FMNL2: variants seen among roughly 807,000 people sequenced by gnomAD.
The protein encoded by FMNL2 is formin like 2.
In FMNL2, 51 loss-of-function variants were observed where a neutral mutation model predicts 130.2. That is an observed-to-expected ratio of 0.39 (90% confidence interval 0.31 to 0.49). The LOEUF (loss-of-function observed/expected upper bound fraction) is 0.49, where lower values mean the gene tolerates loss of function less well. Ranked by LOEUF, FMNL2 falls within the 20% of genes least tolerant of loss-of-function variation. FMNL2 has a pLI of 0.85. For synonymous variants in FMNL2, 465 were observed against 467.1 expected, an observed-to-expected ratio of 1.00 and a Z score of 0.06; for missense variants, 977 against 1,316.2, an observed-to-expected ratio of 0.74 and a Z score of 3.99.
At position 152,564,036 on chromosome 2, in the gene FMNL2, G is replaced by A. The variant is rs932200759; in HGVS notation, c.596+3001G>A. On this transcript the variant is annotated intron_variant, in intron 6 of 25. Transcript: ENST00000288670. ...TATGATAACCTTGTGGCTTTGTGCT[G>A]ACATGCCATACTAGAATAAAGCCTG... 9.2e-5 allele frequency among the ~76,000 whole-genome samples: 14 copies of A among 152,064 alleles called. No homozygotes were observed. The East Asian group carries it at 2.7e-3, about 29-fold the overall frequency.
chr2:152,351,371 G>T (rs1354652600), intron 1 of FMNL2, among the ~76,000 whole-genome samples: 2 of 152,038 alleles, frequency 1.3e-5, no homozygotes, highest in Non-Finnish European at 2.9e-5. Flanking sequence ...ATCCCAGCAG[G>T]TTCCATTGTG....
At chr2:152,608,016 A>AAGAACATCAAAGTGAGTTGC (rs1698469847) in intron 10 of FMNL2, among the ~76,000 whole-genome samples, 1 of 152,188 alleles carries the variant, frequency 6.6e-6, no homozygotes, top group East Asian at 1.9e-4. Flanking sequence ...ATTCTCGGGT[A>AAGAACATCAAAGTGAGTTGC]AGAACATCAA....
At chr2:152,588,511 G>A (rs1328873754) in intron 9 of FMNL2, among the ~76,000 whole-genome samples, 3 of 152,148 alleles carry the variant, frequency 2.0e-5, no homozygotes, top group Non-Finnish European at 2.9e-5. Flanking sequence ...CAGATGGGGA[G>A]ATTATCTTTT....
At chr2:152,571,695 C>T (rs1038494979) in intron 6 of FMNL2, among the ~76,000 whole-genome samples, 2 of 152,128 alleles carry the variant, frequency 1.3e-5, no homozygotes, top group African/African-American at 2.4e-5. Context: ...GTTTGGAAAA[C>T]GAAGAAAGTT....
At chr2:152,430,322 C>G (rs1444130886) in intron 1 of FMNL2, among the ~76,000 whole-genome samples, 1 of 152,134 alleles carries the variant, frequency 6.6e-6, no homozygotes, top group East Asian at 1.9e-4. Context: ...CAGTGGGTTG[C>G]CAACGTGCCC....
At chr2:152,386,432 C>T (rs1248946433) in intron 1 of FMNL2, among the ~76,000 whole-genome samples, 1 of 152,220 alleles carries the variant, frequency 6.6e-6, no homozygotes, top group African/African-American at 2.4e-5. Flanking sequence ...TTTACCATAG[C>T]AGTTAATAAG....
intron 2 of FMNL2, among the ~76,000 whole-genome samples, chr2:152,525,268 C>G (rs993611778): frequency 6.6e-6 from 1 of 152,206 alleles, no homozygotes; most frequent in Non-Finnish European, 1.5e-5. Context: ...GGGGTGCCTA[C>G]AGAACTTACA....
At chr2:152,565,566 C>T (rs1312341578) in intron 6 of FMNL2, among the ~76,000 whole-genome samples, 10 of 152,022 alleles carry the variant, frequency 6.6e-5, no homozygotes, top group Admixed American at 5.9e-4. Flanking sequence ...TATATAATCC[C>T]GCTCATTTTT....
intron 11 of FMNL2, among the ~76,000 whole-genome samples, chr2:152,614,034 A>G (rs1248654647): frequency 6.6e-6 from 1 of 152,106 alleles, no homozygotes; most frequent in Non-Finnish European, 1.5e-5. Flanking sequence ...GGCTCTAGCA[A>G]TTTGTGCTAA....
chr2:152,361,329 A>G (rs1247286442), intron 1 of FMNL2, among the ~76,000 whole-genome samples: 2 of 152,184 alleles, frequency 1.3e-5, no homozygotes, highest in Non-Finnish European at 2.9e-5. Flanking sequence ...TTCCAGTAAA[A>G]TATACATGAA....
intron 1 of FMNL2, chr2:152,390,399 T>C: frequency 2.8e-6 from 3 of 1,072,500 alleles, no homozygotes; most frequent in Non-Finnish European, 4.4e-6. Flanking sequence ...GATGGAGTGG[T>C]GGAGCTGCTT....
intron 2 of FMNL2, among the ~76,000 whole-genome samples, chr2:152,531,240 A>G (rs1445466446): frequency 6.6e-6 from 1 of 152,158 alleles, no homozygotes; most frequent in African/African-American, 2.4e-5. Context: ...GTGTGCTTAT[A>G]TATTTTTGTC....
At chr2:152,522,832 A>T (rs976529751) in intron 2 of FMNL2, among the ~76,000 whole-genome samples, 1 of 152,204 alleles carries the variant, frequency 6.6e-6, no homozygotes, top group Non-Finnish European at 1.5e-5. Context: ...ATATATCATT[A>T]TCTGTTATCC....
intron 1 of FMNL2, among the ~76,000 whole-genome samples, chr2:152,414,398 C>T (rs555686207): frequency 1.7e-3 from 264 of 152,264 alleles, no homozygotes; most frequent in Admixed American, 2.9e-3. Flanking sequence ...ACTTGCTGAA[C>T]CTGTTTGTAA....
intron 1 of FMNL2, among the ~76,000 whole-genome samples, chr2:152,340,993 A>C (rs1322391350): frequency 6.6e-6 from 1 of 152,186 alleles, no homozygotes; most frequent in East Asian, 1.9e-4. Flanking sequence ...CCCGGCCGGA[A>C]GGTCAAGTTT....
At chr2:152,628,683 T>C in intron 18 of FMNL2, 150 bp downstream of exon 18, 2 of 670,340 alleles carry the variant, frequency 3.0e-6, no homozygotes, top group Non-Finnish European at 5.0e-6. Flanking sequence ...TCAACCATCT[T>C]TTCCACATTA....
chr2:152,534,598 A>G (rs1321494276), intron 2 of FMNL2, among the ~76,000 whole-genome samples: 2 of 146,034 alleles, frequency 1.4e-5, no homozygotes, highest in African/African-American at 2.5e-5. Context: ...TCAGATTTTG[A>G]ACTCTGTTCT....
chr2:152,608,438 A>G (rs1237243269), intron 10 of FMNL2, among the ~76,000 whole-genome samples: 4 of 149,512 alleles, frequency 2.7e-5, no homozygotes, highest in African/African-American at 9.8e-5. Context: ...AGCCCCTTCC[A>G]AAACCAGTGA....
chr2:152,421,561 G>A (rs1686924829), intron 1 of FMNL2, among the ~76,000 whole-genome samples: 1 of 152,182 alleles, frequency 6.6e-6, no homozygotes, highest in Admixed American at 6.5e-5. Context: ...AGAGTAGAGA[G>A]TTGTATATTC....
Sources: gnomAD v4.1 joint callset for allele counts (sites outside exome capture counted in the v4.1 genomes callset) on GRCh38, gnomAD v4.1.1 for gene constraint, MANE v1.5 for transcripts, NCBI Gene and HGNC (gene_info 2026-07-23, HGNC 2026-07-21) for gene names.